COL22A1: variants seen among roughly 807,000 people sequenced by gnomAD.
COL22A1 encodes collagen alpha-1(XXII) chain.
In COL22A1, 221 loss-of-function variants were observed where a neutral mutation model predicts 248.9. The ratio of observed to expected loss-of-function variants is 0.89; its 90% CI spans 0.80 to 0.99. The LOEUF (loss-of-function observed/expected upper bound fraction) is 0.99, where lower values mean the gene tolerates loss of function less well. COL22A1 is among the 50% of genes least tolerant of loss of function. The probability of loss-of-function intolerance (pLI) is 0.00; values close to 1 mark genes in which losing one functional copy is unlikely to be tolerated. For synonymous variants in COL22A1, 891 were observed against 793.4 expected (o/e 1.12, Z -2.07); for missense variants, 2,240 against 2,179.0 (o/e 1.03, Z -0.56).
intron 12 of COL22A1, among the ~76,000 whole-genome samples, chr8:138,791,702 T>A (rs1393720526): frequency 1.3e-5 from 2 of 152,168 alleles, no homozygotes; most frequent in Non-Finnish European, 2.9e-5. Flanking sequence ...GAAGGCTGCA[T>A]CCCAGGAAGC....
At chr8:138,665,054 TC>T (rs1451295165) in intron 41 of COL22A1, among the ~76,000 whole-genome samples, 2 of 152,138 alleles carry the variant, frequency 1.3e-5, no homozygotes, top group East Asian at 3.9e-4. Context: ...CAGTATAGTG[TC>T]AGGGGTAACC....
intron 1 of COL22A1, among the ~76,000 whole-genome samples, chr8:138,900,948 C>T (rs559967723): frequency 4.6e-5 from 7 of 152,114 alleles, no homozygotes; most frequent in Non-Finnish European, 1.0e-4. Flanking sequence ...TTGGGTAGGA[C>T]ATTTTTTACA....
At position 138,649,727 on chromosome 8, in the gene COL22A1, C is replaced by G. The variant is rs1822525669; in HGVS notation, c.3385G>C (p.Gly1129Arg). 3 of 1,611,740 alleles carry G rather than the reference C, an allele frequency of 1.9e-6. No homozygotes were observed. Among genetic ancestry groups the G allele is most frequent in the Non-Finnish European group, 2.5e-6 (3 of 1,179,010 alleles). ...GGGACACCTTTGTCCCCTTTAAAAC[C>G]TGGTAGACCAGGGAGGCCTGGGGGG... Reference protein sequence around the residue: ...PGPPGLPGLPGFKGDKGVPGK... With the variant: ...PGPPGLPGLPRFKGDKGVPGK... Residue 1129 changes from glycine (G) to arginine (R), a missense_variant, in exon 46 of 65, where the codon GGT becomes CGT. By Grantham distance (125) the Gly-to-Arg change is moderately radical. Coordinates refer to ENST00000303045, the MANE Select transcript of COL22A1 (RefSeq NM_152888.3).
At chr8:138,903,549 G>T (rs1433982341) in intron 1 of COL22A1, among the ~76,000 whole-genome samples, 2 of 152,166 alleles carry the variant, frequency 1.3e-5, no homozygotes, top group Non-Finnish European at 2.9e-5. Flanking sequence ...GCATCTGGAG[G>T]TAGGCCCCCA....
intron 3 of COL22A1, among the ~76,000 whole-genome samples, chr8:138,850,548 G>T (rs948060458): frequency 1.3e-5 from 2 of 152,178 alleles, no homozygotes; most frequent in African/African-American, 4.8e-5. Flanking sequence ...TGGGAGCCGG[G>T]GATGCAGTTG....
At chr8:138,669,915 C>A (rs1824865772) in intron 41 of COL22A1, among the ~76,000 whole-genome samples, 1 of 136,692 alleles carries the variant, frequency 7.3e-6, no homozygotes, top group Non-Finnish European at 1.5e-5. Flanking sequence ...GAGATGGAGT[C>A]TCGCTCTGTC....
intron 11 of COL22A1, among the ~76,000 whole-genome samples, chr8:138,798,125 G>A (rs1186231029): frequency 6.8e-6 from 1 of 146,510 alleles, no homozygotes; most frequent in Non-Finnish European, 1.5e-5. Flanking sequence ...CAACCTATTT[G>A]TACAACAAAT....
At chr8:138,905,863 G>A (rs1814965233) in intron 1 of COL22A1, among the ~76,000 whole-genome samples, 1 of 152,028 alleles carries the variant, frequency 6.6e-6, no homozygotes, top group South Asian at 2.1e-4. Context: ...TCAAACACCT[G>A]CATTTTCTTT....
chr8:138,807,515 CT>C (rs927185365), intron 10 of COL22A1, among the ~76,000 whole-genome samples: 2 of 152,208 alleles, frequency 1.3e-5, no homozygotes, highest in African/African-American at 4.8e-5. Context: ...CAAATGAGAC[CT>C]GAGCCAGGGC....
intron 56 of COL22A1, 21 bp downstream of exon 56, chr8:138,613,846 T>A: frequency 6.2e-7 from 1 of 1,608,460 alleles, no homozygotes; most frequent in Non-Finnish European, 8.5e-7. Context: ...TGAAGCACAT[T>A]AGTCGCAAAG....
At chr8:138,776,387 A>G (rs527870917) in intron 15 of COL22A1, among the ~76,000 whole-genome samples, 1 of 152,234 alleles carries the variant, frequency 6.6e-6, no homozygotes, top group Non-Finnish European at 1.5e-5. Context: ...CCCCATGACC[A>G]TGGTGCCCAG....
At chr8:138,831,789 G>GC (rs11386378) in intron 5 of COL22A1, among the ~76,000 whole-genome samples, 85,302 of 151,858 alleles carry the variant, frequency 0.56, 24,419 homozygotes, top group East Asian at 0.67. Flanking sequence ...AACACTGGAG[G>GC]AATTAAATAT....
intron 30 of COL22A1, among the ~76,000 whole-genome samples, chr8:138,715,238 C>A (rs552433582): frequency 6.6e-6 from 1 of 152,092 alleles, no homozygotes; most frequent in Non-Finnish European, 1.5e-5. Context: ...GAGTCATGAA[C>A]GCAACTAAAT....
intron 6 of COL22A1, 97 bp from the exon 7 acceptor site, chr8:138,821,508 T>G (rs1819129489): frequency 8.0e-7 from 1 of 1,254,014 alleles, no homozygotes; most frequent in East Asian, 2.3e-5. Flanking sequence ...CTGGCAATCC[T>G]GAGTCAATCC....
chr8:138,644,466 G>GC (rs1363018673), intron 47 of COL22A1, among the ~76,000 whole-genome samples: 1 of 151,296 alleles, frequency 6.6e-6, no homozygotes, highest in Non-Finnish European at 1.5e-5. Flanking sequence ...AAAATCCTAG[G>GC]CCCCCCAACC....
At chr8:138,759,812 A>G (rs539851094) in intron 18 of COL22A1, among the ~76,000 whole-genome samples, 43 of 152,264 alleles carry the variant, frequency 2.8e-4, no homozygotes, top group African/African-American at 9.9e-4. Context: ...TCTGATTCTG[A>G]TTTTTAAAAA....
intron 1 of COL22A1, among the ~76,000 whole-genome samples, chr8:138,901,518 C>T (rs1218852633): frequency 6.6e-6 from 1 of 151,880 alleles, no homozygotes; most frequent in Non-Finnish European, 1.5e-5. Flanking sequence ...AGGTACATAC[C>T]ACCATGCCCA....
intron 58 of COL22A1, among the ~76,000 whole-genome samples, chr8:138,605,957 T>C (rs1818385393): frequency 6.6e-6 from 1 of 152,126 alleles, no homozygotes; most frequent in Admixed American, 6.5e-5. Flanking sequence ...TCCTTCAAGT[T>C]CTAGGATCAT....
rs1217288660 is a variant in COL22A1 at position 138,672,591 on chromosome 8, T to C, written c.3150+3967A>G. On this transcript the variant is annotated intron_variant, in intron 41 of 64. Coordinates refer to ENST00000303045, the MANE Select transcript of COL22A1 (RefSeq NM_152888.3). ...TCCTCAATGCCTGGACCAACTGATG[T>C]AAGGCATCAGTACAACTAATTCCAG... 2.0e-5 allele frequency among the ~76,000 whole-genome samples: 3 copies of C among 152,160 alleles called. 1 individual carries two copies. Among genetic ancestry groups the C allele is most frequent in the Non-Finnish European group, 4.4e-5 (3 of 68,034 alleles).
Sources: allele counts gnomAD v4.1 joint callset (sites outside exome capture counted in the v4.1 genomes callset), GRCh38; gene constraint gnomAD v4.1.1; transcripts MANE v1.5; gene names NCBI Gene and HGNC (gene_info 2026-07-23, HGNC 2026-07-21).